Variants in GPR176 observed in about 807,000 individuals in gnomAD.
The protein encoded by GPR176 is G-protein coupled receptor 176.
GPR176 carries 26 observed loss-of-function variants against 35.4 expected under a neutral mutation model. The ratio of observed to expected loss-of-function variants is 0.74; its 90% confidence interval spans 0.54 to 1.02. GPR176 has a LOEUF of 1.02. GPR176 is among the 50% of genes least tolerant of loss of function. GPR176 has a pLI of 0.00. For synonymous variants in GPR176, 278 were observed against 271.3 expected (o/e 1.02, Z -0.24); for missense variants, 597 against 665.3 (o/e 0.90, Z 1.13).
intron 1 of GPR176, among the ~76,000 whole-genome samples, chr15:39,915,412 G>A (rs2033700320): frequency 6.6e-6 from 1 of 152,064 alleles, no homozygotes; most frequent in African/African-American, 2.4e-5. Context: ...ATTTCCCAAA[G>A]GTACTACCTC....
intron 1 of GPR176, among the ~76,000 whole-genome samples, chr15:39,898,662 G>T (rs977273010): frequency 6.6e-6 from 1 of 152,172 alleles, no homozygotes; most frequent in Non-Finnish European, 1.5e-5. Context: ...AGGGAAACAG[G>T]AGCCATGTAG....
rs569726888 is a variant in GPR176, at chr15:39,919,276, G to T, written c.172+579C>A. On this transcript the variant is annotated intron_variant, in intron 1 of 2. Coordinates refer to ENST00000561100, the MANE Select transcript of GPR176 (RefSeq NM_007223.3). ...ACACATAGATGGGGAAGTAGAGTGG[G>T]TTTGGTTTTGTTTTTTTTAAATAAT... 2.6e-5 allele frequency among the ~76,000 whole-genome samples: 4 copies of T among 152,178 alleles called. No homozygotes were observed. In the East Asian group the frequency reaches 7.7e-4, roughly 29 times the overall value.
At chr15:39,841,357 C>T (rs1319844119) in intron 1 of GPR176, among the ~76,000 whole-genome samples, 4 of 141,012 alleles carry the variant, frequency 2.8e-5, no homozygotes, top group Non-Finnish European at 6.2e-5. Context: ...CATTGAAGTC[C>T]TCAGTATCTC....
chr15:39,854,486 A>G (rs1353628513), intron 1 of GPR176, among the ~76,000 whole-genome samples: 7 of 152,206 alleles, frequency 4.6e-5, no homozygotes, highest in Non-Finnish European at 4.4e-5. Context: ...CTATGAATTT[A>G]GAATCTCAGG....
At chr15:39,886,811 A>G (rs1235102192) in intron 1 of GPR176, among the ~76,000 whole-genome samples, 1 of 152,238 alleles carries the variant, frequency 6.6e-6, no homozygotes, top group Non-Finnish European at 1.5e-5. Context: ...GCAAGGTGTC[A>G]CATAATAGTG....
intron 1 of GPR176, among the ~76,000 whole-genome samples, chr15:39,832,669 A>G (rs188894403): frequency 1.4e-4 from 22 of 151,848 alleles, no homozygotes; most frequent in Admixed American, 1.3e-3. Context: ...ACACACACAC[A>G]CACACACACA....
At chr15:39,852,669 G>T (rs1031549658) in intron 1 of GPR176, among the ~76,000 whole-genome samples, 2 of 152,118 alleles carry the variant, frequency 1.3e-5, no homozygotes, top group African/African-American at 4.8e-5. Flanking sequence ...TACTACATCA[G>T]ACATTTTTAA....
At chr15:39,896,839 T>C (rs2033127238) in intron 1 of GPR176, among the ~76,000 whole-genome samples, 2 of 152,314 alleles carry the variant, frequency 1.3e-5, no homozygotes, top group Admixed American at 1.3e-4. Flanking sequence ...AGTTTGAATC[T>C]AGCCTGGGCA....
chr15:39,904,303 G>C (rs1466460901), intron 1 of GPR176, among the ~76,000 whole-genome samples: 1 of 152,150 alleles, frequency 6.6e-6, no homozygotes, highest in African/African-American at 2.4e-5. Context: ...CCCAGCTTCT[G>C]TTCAAGATGG....
chr15:39,856,264 C>T (rs1040433538), intron 1 of GPR176, among the ~76,000 whole-genome samples: 10 of 152,228 alleles, frequency 6.6e-5, no homozygotes, highest in African/African-American at 2.4e-4. Context: ...GCTTTGTTTT[C>T]TTCACAACAC....
chr15:39,898,123 TTCA>T (rs1308653521), intron 1 of GPR176, among the ~76,000 whole-genome samples: 12 of 152,362 alleles, frequency 7.9e-5, no homozygotes, highest in African/African-American at 2.4e-4. Flanking sequence ...ATTTTATTGC[TTCA>T]TTTTCATGAA....
At chr15:39,891,641 CA>C (rs2032875817) in intron 1 of GPR176, among the ~76,000 whole-genome samples, 2 of 152,164 alleles carry the variant, frequency 1.3e-5, no homozygotes, top group African/African-American at 2.4e-5. Flanking sequence ...CTGGCATGTT[CA>C]TGCTATCTTA....
At chr15:39,831,855 G>A (rs1185265480) in intron 1 of GPR176, among the ~76,000 whole-genome samples, 2 of 152,076 alleles carry the variant, frequency 1.3e-5, no homozygotes, top group Non-Finnish European at 2.9e-5. Flanking sequence ...TGATCAGGAA[G>A]CCTGACTTTA....
chr15:39,861,159 G>A (rs563169525), intron 1 of GPR176, among the ~76,000 whole-genome samples: 39 of 152,236 alleles, frequency 2.6e-4, no homozygotes, highest in African/African-American at 9.1e-4. Context: ...ATGACAGCTA[G>A]CAAAGTTTAT....
At chr15:39,914,135 A>G (rs1307219326) in intron 1 of GPR176, among the ~76,000 whole-genome samples, 1 of 152,186 alleles carries the variant, frequency 6.6e-6, no homozygotes, top group Admixed American at 6.5e-5. Flanking sequence ...TTATCTCAAT[A>G]AAGCTTTTTT....
chr15:39,836,156 T>G (rs1192237269), intron 1 of GPR176, among the ~76,000 whole-genome samples: 1 of 151,958 alleles, frequency 6.6e-6, no homozygotes, highest in African/African-American at 2.4e-5. Context: ...CTGGAAAGAG[T>G]GGAAAGGATA....
At chr15:39,832,981 A>G (rs1228550101) in intron 1 of GPR176, among the ~76,000 whole-genome samples, 1 of 152,186 alleles carries the variant, frequency 6.6e-6, no homozygotes, top group Non-Finnish European at 1.5e-5. Context: ...TTTTAAGGTG[A>G]GTTGATTAGC....
intron 1 of GPR176, among the ~76,000 whole-genome samples, chr15:39,873,256 G>C (rs2032116031): frequency 6.6e-6 from 1 of 152,066 alleles, no homozygotes; most frequent in Non-Finnish European, 1.5e-5. Context: ...AAGTCATAAA[G>C]CTAGTGGGTG....
chr15:39,883,742 T>C (rs1396184052), intron 1 of GPR176, among the ~76,000 whole-genome samples: 1 of 152,216 alleles, frequency 6.6e-6, no homozygotes, highest in African/African-American at 2.4e-5. Flanking sequence ...CTAAAGGTCC[T>C]GGAACGTTCA....
Sources: allele counts gnomAD v4.1 joint callset (sites outside exome capture counted in the v4.1 genomes callset), GRCh38; gene constraint gnomAD v4.1.1; transcripts MANE v1.5; gene names NCBI Gene and HGNC (gene_info 2026-07-23, HGNC 2026-07-21).